The following HIRA variants were observed in gnomAD, a reference collection of about 807,000 sequenced individuals.
The protein encoded by HIRA is protein HIRA.
A neutral mutation model predicts 126.6 loss-of-function variants in HIRA; 13 were observed. The ratio of observed to expected loss-of-function variants is 0.10; its 90% CI spans 0.07 to 0.16. The LOEUF (loss-of-function observed/expected upper bound fraction) is 0.16. Ranked by LOEUF, HIRA falls within the 10% of genes least tolerant of loss-of-function variation. The probability of loss-of-function intolerance (pLI) is 1.00; values close to 1 mark genes in which losing one functional copy is unlikely to be tolerated. For missense variants in HIRA, 834 were observed against 1,314.4 expected, an observed-to-expected ratio of 0.63 and a Z score of 5.65; for synonymous variants, 511 against 520.0, an observed-to-expected ratio of 0.98 and a Z score of 0.24.
chr22:19,364,667 T>C (rs182737554), intron 15 of HIRA, among the ~76,000 whole-genome samples: 78 of 152,362 alleles, frequency 5.1e-4, no homozygotes, highest in Admixed American at 4.8e-3. Context: ...GGCGTTTATG[T>C]TCTGACTGCT....
chr22:19,399,131 TGC>T, intron 5 of HIRA: 1 of 985,418 alleles, frequency 1.0e-6, no homozygotes, highest in Non-Finnish European at 1.2e-6. Context: ...TTGCCTATCC[TGC>T]CATCAGGGGT....
intron 5 of HIRA, among the ~76,000 whole-genome samples, chr22:19,400,402 CG>C (rs1330150866): frequency 2.0e-5 from 3 of 152,140 alleles, no homozygotes; most frequent in African/African-American, 7.2e-5. Context: ...TTTTGATAAG[CG>C]ATGCCTCCTT....
At chr22:19,392,330 CTGAGCATGCAT>C (rs899852405) in intron 8 of HIRA, 116 bp from the exon 9 acceptor site, 29 of 590,224 alleles carry the variant, frequency 4.9e-5, no homozygotes, top group Non-Finnish European at 8.9e-5. Context: ...AGCCCAGGCA[CTGAGCATGCAT>C]TTCATCTTCC....
At chr22:19,409,996 G>A (rs2089339378) in intron 2 of HIRA, among the ~76,000 whole-genome samples, 1 of 152,234 alleles carries the variant, frequency 6.6e-6, no homozygotes, top group Admixed American at 6.5e-5. Flanking sequence ...AGGACCTAGA[G>A]CTCACAAAGG....
At chr22:19,362,008 G>A (rs2088868752) in intron 15 of HIRA, 77 bp from the exon 16 acceptor site, 3 of 1,422,452 alleles carry the variant, frequency 2.1e-6, no homozygotes, top group Non-Finnish European at 2.9e-6. Flanking sequence ...TATTTAAAGT[G>A]CTTAAACAAA....
At position 19,351,542 on chromosome 22, in the gene HIRA, T is replaced by A; in HGVS notation, c.2849-96A>T. 1 of 981,784 alleles carries A rather than the reference T, an allele frequency of 1.0e-6. No individual in the cohort carries two copies. The highest frequency in any genetic ancestry group is 1.4e-5 in the South Asian group (1 of 69,080). The allele number at this position is 981,784 out of a possible 1,614,324, so 60.8% of individuals were successfully genotyped here. A position where few individuals can be genotyped will look rare whatever the true frequency, so the allele number is the denominator to read the frequency against. On this transcript the variant is annotated intron_variant, in intron 23 of 24. Coordinates refer to ENST00000263208, the MANE Select transcript of HIRA (RefSeq NM_003325.4). This position sits in a 1 kb window ranked among gnomAD's most constrained non-coding sequence, Gnocchi z 4.8. ...AAATAAAATCAAGAATATGTTGTTGTGTCTATCAAATCAGAATAAACACAT... is the reference window on the plus strand; with the variant it reads ...AAATAAAATCAAGAATATGTTGTTGAGTCTATCAAATCAGAATAAACACAT...
chr22:19,423,205 C>T (rs2089461889), intron 1 of HIRA, among the ~76,000 whole-genome samples: 1 of 152,146 alleles, frequency 6.6e-6, no homozygotes, highest in South Asian at 2.1e-4. Flanking sequence ...CACTTAAACC[C>T]GTCTATCCCC....
At chr22:19,385,489 A>G in intron 12 of HIRA, 32 bp downstream of exon 12, 1 of 1,598,134 alleles carries the variant, frequency 6.3e-7, no homozygotes, top group Non-Finnish European at 8.6e-7. Context: ...GCATATGTCC[A>G]TGTCTTTAGC....
At chr22:19,404,890 C>A (rs114394542) in intron 5 of HIRA, among the ~76,000 whole-genome samples, 10 of 152,294 alleles carry the variant, frequency 6.6e-5, no homozygotes, top group African/African-American at 2.4e-4. Context: ...CTCTTCTCTA[C>A]CTCAATTATC....
chr22:19,385,770 A>T lies in HIRA; in HGVS notation c.1114-34T>A, dbSNP rs768183458. On this transcript the variant is annotated intron_variant, in intron 11 of 24. Coordinates refer to ENST00000263208, the MANE Select transcript of HIRA (RefSeq NM_003325.4). ...GCAAGGAGAGGCATGACATGCCAGCATGAGTGCCAGTGTGGCCAGTGCTGC... is the reference window on the plus strand; with the variant it reads ...GCAAGGAGAGGCATGACATGCCAGCTTGAGTGCCAGTGTGGCCAGTGCTGC... The T allele has an allele frequency of 4.4e-6, 7 of 1,591,428 alleles. No homozygotes were observed. The South Asian group carries it at 7.9e-5, about 18-fold the overall frequency.
At chr22:19,347,206 C>T (rs2088696919) in intron 24 of HIRA, among the ~76,000 whole-genome samples, 1 of 152,180 alleles carries the variant, frequency 6.6e-6, no homozygotes, top group South Asian at 2.1e-4. Context: ...AAGCGAACAG[C>T]TGTACTCTTG....
At chr22:19,386,250 C>G (rs564380865) in intron 11 of HIRA, among the ~76,000 whole-genome samples, 8 of 152,276 alleles carry the variant, frequency 5.3e-5, no homozygotes, top group Admixed American at 3.3e-4. Context: ...GGCTGGGGAG[C>G]CTCCTTTACT....
At chr22:19,423,818 C>A (rs898215402) in intron 1 of HIRA, among the ~76,000 whole-genome samples, 3 of 152,132 alleles carry the variant, frequency 2.0e-5, no homozygotes, top group Non-Finnish European at 4.4e-5. Flanking sequence ...TGTTTTAAAA[C>A]CATTTGCTAT....
chr22:19,361,675 C>CT, intron 16 of HIRA, 52 bp downstream of exon 16: 1 of 1,577,682 alleles, frequency 6.3e-7, no homozygotes, highest in Non-Finnish European at 8.7e-7. Context: ...CCTTCAAGCT[C>CT]TAAGTACAGA....
chr22:19,335,080 C>T (rs1174353361), intron 24 of HIRA, among the ~76,000 whole-genome samples: 1 of 152,074 alleles, frequency 6.6e-6, no homozygotes, highest in African/African-American at 2.4e-5. Flanking sequence ...AGTCTGTCTT[C>T]AAGTATTATA....
chr22:19,360,151 A>G (rs1472557660), intron 17 of HIRA, among the ~76,000 whole-genome samples: 2 of 152,184 alleles, frequency 1.3e-5, no homozygotes, highest in Non-Finnish European at 2.9e-5. Flanking sequence ...AGAACCACCA[A>G]ACAGTCTGTG....
chr22:19,394,317 T>C (rs2089206136), intron 8 of HIRA, 25 bp downstream of exon 8: 1 of 1,607,848 alleles, frequency 6.2e-7, no homozygotes, highest in African/African-American at 1.3e-5. Context: ...GGAGCCCATC[T>C]CCCTTTAGTT....
At chr22:19,354,377 C>A (rs2088789845) in intron 21 of HIRA, among the ~76,000 whole-genome samples, 1 of 152,198 alleles carries the variant, frequency 6.6e-6, no homozygotes, top group Non-Finnish European at 1.5e-5. Flanking sequence ...TTGCTGGGAA[C>A]ACTTCAGCTC....
At chr22:19,335,276 G>A (rs561871437) in intron 24 of HIRA, among the ~76,000 whole-genome samples, 3 of 151,368 alleles carry the variant, frequency 2.0e-5, no homozygotes, top group Non-Finnish European at 2.9e-5. Context: ...AGGGTCTTGC[G>A]CTCTGTTGCC....
Sources: gnomAD v4.1 joint callset for allele counts (sites outside exome capture counted in the v4.1 genomes callset) on GRCh38, gnomAD v4.1.1 for gene constraint, Gnocchi (gnomAD v3.1) non-coding constraint, MANE v1.5 for transcripts, NCBI Gene and HGNC (gene_info 2026-07-23, HGNC 2026-07-21) for gene names.